ATP2B2: variants seen among roughly 807,000 people sequenced by gnomAD.
ATP2B2 encodes plasma membrane calcium-transporting ATPase 2.
ATP2B2 carries 15 observed loss-of-function variants against 120.0 expected under a neutral mutation model. The ratio of observed to expected loss-of-function variants is 0.12; its 90% CI spans 0.08 to 0.19. The LOEUF is 0.19. ATP2B2 is among the 10% of genes least tolerant of loss of function. The pLI is 1.00. For missense variants in ATP2B2, 1,045 were observed against 1,719.8 expected (o/e 0.61, Z 6.94); for synonymous variants, 694 against 700.3 (o/e 0.99, Z 0.14).
intron 1 of ATP2B2, among the ~76,000 whole-genome samples, chr3:10,472,685 C>T (rs2065061807): frequency 6.6e-6 from 1 of 152,180 alleles, no homozygotes. Flanking sequence ...TGCCTGGTTT[C>T]TACCTTCTGT....
At chr3:10,536,929 GT>G (rs1234465987) in intron 2 of ATP2B2, among the ~76,000 whole-genome samples, 1 of 152,226 alleles carries the variant, frequency 6.6e-6, no homozygotes, top group East Asian at 1.9e-4. Flanking sequence ...TTAGGTTGAA[GT>G]TATTATCATT....
At chr3:10,472,551 C>T (rs1295458580) in intron 1 of ATP2B2, among the ~76,000 whole-genome samples, 1 of 152,164 alleles carries the variant, frequency 6.6e-6, no homozygotes, top group African/African-American at 2.4e-5. Flanking sequence ...CCAAAACACA[C>T]CGCTCTTCTC....
chr3:10,501,597 C>T (rs1209762411), intron 1 of ATP2B2, among the ~76,000 whole-genome samples: 1 of 152,108 alleles, frequency 6.6e-6, no homozygotes, highest in Non-Finnish European at 1.5e-5. Flanking sequence ...TGGCTCCCAG[C>T]TGTCTGCTGA....
chr3:10,680,843 A>C lies in ATP2B2; in HGVS notation c.-460+27072T>G, dbSNP rs528240472. On this transcript the variant is annotated intron_variant, in intron 1 of 21. Coordinates refer to the ATP2B2 transcript ENST00000646379. ...CTACACCCCTCCTGATAGAGTCTGG[A>C]TGTTGTCTGCACCGAATCTCATGTT... 4.6e-5 allele frequency among the ~76,000 whole-genome samples: 7 copies of C among 152,210 alleles called. No individual in the cohort carries two copies. In the South Asian group the frequency reaches 1.5e-3, roughly 32 times the overall value.
intron 1 of ATP2B2, among the ~76,000 whole-genome samples, chr3:10,682,078 G>A (rs1295037564): frequency 6.6e-6 from 1 of 152,158 alleles, no homozygotes; most frequent in Non-Finnish European, 1.5e-5. Context: ...AACCAGCAAG[G>A]ATCTGAGCCA....
Position 10,353,427 on chromosome 3 carries a change from C to T in ATP2B2, c.2137-2850G>A, listed in dbSNP as rs867768410. 3.9e-5 allele frequency among the ~76,000 whole-genome samples: 6 copies of T among 152,302 alleles called. 1 individual carries two copies. The highest frequency in any genetic ancestry group is 6.8e-3 in the Middle Eastern group (2 of 294). ...GCTACACAGATGAACACAGATTAGT[C>T]CTGGCCGCAGGGAACTGTCCACTCT... On this transcript the variant is annotated intron_variant, in intron 14 of 22. Transcript: ENST00000360273.
chr3:10,506,957 G>A (rs1043605818), upstream of ATP2B2, among the ~76,000 whole-genome samples: 4 of 152,238 alleles, frequency 2.6e-5, no homozygotes, highest in Non-Finnish European at 2.9e-5. Flanking sequence ...GAGGGGCCAC[G>A]GGAGGGAGAC....
intron 1 of ATP2B2, among the ~76,000 whole-genome samples, chr3:10,491,224 A>ATTT (rs3077070): frequency 1.2e-3 from 140 of 119,982 alleles, no homozygotes; most frequent in African/African-American, 3.9e-3. Context: ...CCTTCATTCC[A>ATTT]TTTTTTTTTT....
intron 3 of ATP2B2, among the ~76,000 whole-genome samples, chr3:10,523,544 C>A (rs1003706224): frequency 6.6e-6 from 1 of 152,156 alleles, no homozygotes; most frequent in African/African-American, 2.4e-5. Context: ...CCATAAATTG[C>A]GAATCTTTGC....
At chr3:10,482,166 G>A (rs563208141) in intron 1 of ATP2B2, among the ~76,000 whole-genome samples, 4 of 152,346 alleles carry the variant, frequency 2.6e-5, no homozygotes, top group African/African-American at 7.2e-5. Context: ...ATGAGTGAGC[G>A]CAGGCCCTGG....
At chr3:10,606,908 CACACAGAGAGAGAGAGAGAG>C (rs1371879992) in intron 2 of ATP2B2, among the ~76,000 whole-genome samples, 1 of 28,176 alleles carries the variant, frequency 3.5e-5, no homozygotes, top group Non-Finnish European at 7.5e-5. Context: ...CACACACACA[CACACAGAGAGAGAGAGAGAG>C]AGAGAGAGAG....
chr3:10,594,711 T>TATAATAATAATAATAATA (rs147616326), intron 2 of ATP2B2, among the ~76,000 whole-genome samples: 17 of 149,628 alleles, frequency 1.1e-4, no homozygotes, highest in South Asian at 6.4e-4. Flanking sequence ...GAACTTAAAG[T>TATAATAATAATAATAATA]ATAATAATAA....
intron 3 of ATP2B2, among the ~76,000 whole-genome samples, chr3:10,521,660 C>G (rs2066987819): frequency 1.3e-5 from 2 of 152,206 alleles, no homozygotes; most frequent in African/African-American, 4.8e-5. Context: ...GATATATACA[C>G]CCAAGGTGCT....
chr3:10,534,855 T>C (rs2067277906), intron 2 of ATP2B2, among the ~76,000 whole-genome samples: 1 of 151,652 alleles, frequency 6.6e-6, no homozygotes, highest in Non-Finnish European at 1.5e-5. Flanking sequence ...CCCTATCAGC[T>C]TCCTTCTCTC....
chr3:10,415,495 C>A (rs2062750036), intron 2 of ATP2B2, among the ~76,000 whole-genome samples: 1 of 152,160 alleles, frequency 6.6e-6, no homozygotes, highest in African/African-American at 2.4e-5. Flanking sequence ...AAGGATTGGT[C>A]TGGTGGAAGG....
intron 2 of ATP2B2, among the ~76,000 whole-genome samples, chr3:10,448,807 T>G (rs2063928039): frequency 6.6e-6 from 1 of 152,172 alleles, no homozygotes; most frequent in Non-Finnish European, 1.5e-5. Flanking sequence ...GGCAGGGAAT[T>G]GGCTGCACAT....
Position 10,606,956 on chromosome 3 carries a change from G to T in ATP2B2, c.-415+12961C>A, listed in dbSNP as rs1293148028. 7.7e-3 allele frequency among the ~76,000 whole-genome samples: 45 copies of T among 5,820 alleles called. No individual in the cohort carries two copies. In the South Asian group the frequency reaches 0.21, roughly 28 times the overall value. The allele number at this position is 5,820 out of a possible 152,430, so 3.8% of individuals were successfully genotyped here. ...AGAGAGAGGGAGAGGGAGAGGGGGAGGGGGGGAGAGAGAGAGAGAGAGAAA... is the reference window on the plus strand; with the variant it reads ...AGAGAGAGGGAGAGGGAGAGGGGGATGGGGGGAGAGAGAGAGAGAGAGAAA... On this transcript the variant is annotated intron_variant, in intron 2 of 21. Transcript: ENST00000646379.
intron 1 of ATP2B2, among the ~76,000 whole-genome samples, chr3:10,463,822 T>G (rs1444139583): frequency 6.6e-6 from 1 of 152,248 alleles, no homozygotes; most frequent in Non-Finnish European, 1.5e-5. Context: ...CCTTTGCCTA[T>G]TCTCCATTCG....
At chr3:10,641,220 A>C (rs574860047) in intron 1 of ATP2B2, among the ~76,000 whole-genome samples, 22 of 152,330 alleles carry the variant, frequency 1.4e-4, no homozygotes, top group African/African-American at 5.3e-4. Context: ...AGAAGAGCCT[A>C]AGGTAGGATG....
Sources: gnomAD v4.1 joint callset for allele counts (sites outside exome capture counted in the v4.1 genomes callset) on GRCh38, gnomAD v4.1.1 for gene constraint, MANE v1.5 for transcripts, NCBI Gene and HGNC (gene_info 2026-07-23, HGNC 2026-07-21) for gene names.